Variants in BMP2K observed in about 807,000 individuals in gnomAD.
BMP2K encodes BMP-2-inducible protein kinase.
A neutral mutation model predicts 116.0 loss-of-function variants in BMP2K; 74 were observed. The observed-to-expected ratio is 0.64, with a 90% CI of 0.53 to 0.77. The LOEUF (loss-of-function observed/expected upper bound fraction) is 0.77. Ranked by LOEUF, BMP2K falls within the 30% of genes least tolerant of loss-of-function variation. BMP2K has a pLI of 0.00. For missense variants in BMP2K, 1,365 were observed against 1,403.6 expected, an observed-to-expected ratio of 0.97 and a Z score of 0.44; for synonymous variants, 486 against 502.5, an observed-to-expected ratio of 0.97 and a Z score of 0.44.
Position 78,916,134 on chromosome 4 carries a change from T to C in BMP2K, c.*4101T>C, listed in dbSNP as rs1735042900. On this transcript the variant is annotated 3_prime_UTR_variant, in exon 16 of 16. Transcript: ENST00000502613. ...ATATAGCTGGGAAACAATTATGAGA[T>C]AGACTCAGTCTCCCCCTCCCACCCC... 6.6e-6 allele frequency: 1 copy of C among 151,918 alleles called. No individual in the cohort carries two copies. Among genetic ancestry groups the C allele is most frequent in the African/African-American group, 2.4e-5 (1 of 41,420 alleles). The allele number at this position is 151,918 out of a possible 1,614,324, so 9.4% of individuals were successfully genotyped here. A position where few individuals can be genotyped will look rare whatever the true frequency, so the allele number is the denominator to read the frequency against.
At chr4:78,869,141 A>G (rs1732209661) in intron 10 of BMP2K, among the ~76,000 whole-genome samples, 1 of 152,170 alleles carries the variant, frequency 6.6e-6, no homozygotes, top group Non-Finnish European at 1.5e-5. Flanking sequence ...ATTTCCATGT[A>G]TCTTCCAAAA....
intron 1 of BMP2K, among the ~76,000 whole-genome samples, chr4:78,816,284 C>T (rs1189671939): frequency 6.6e-6 from 1 of 152,006 alleles, no homozygotes; most frequent in Non-Finnish European, 1.5e-5. Flanking sequence ...TCAGGTTGTC[C>T]CAGTGATAGT....
chr4:78,806,975 G>C (rs916874431), intron 1 of BMP2K, among the ~76,000 whole-genome samples: 8 of 151,408 alleles, frequency 5.3e-5, no homozygotes, highest in Non-Finnish European at 1.2e-4. Context: ...TCAGCTTCCC[G>C]AGTAGCTGGG....
chr4:78,776,522 C>G lies in BMP2K; in HGVS notation c.-22C>G. ...ACTTGCCCTTGCACGCTCCCTGCGCCCTCCAGCTCGCCGGCGGGACCATGA... is the reference window on the plus strand; with the variant it reads ...ACTTGCCCTTGCACGCTCCCTGCGCGCTCCAGCTCGCCGGCGGGACCATGA... On this transcript the variant is annotated 5_prime_UTR_variant, in exon 1 of 16. Coordinates refer to ENST00000502613, the MANE Select transcript of BMP2K (RefSeq NM_198892.2). The G allele has an allele frequency of 2.6e-6, 3 of 1,138,896 alleles. No individual in the cohort carries two copies. The highest frequency in any genetic ancestry group is 3.2e-6 in the Non-Finnish European group (3 of 925,314). The allele number at this position is 1,138,896 out of a possible 1,614,324, so 70.5% of individuals were successfully genotyped here.
At chr4:78,891,348 C>T (rs534601185) in intron 15 of BMP2K, among the ~76,000 whole-genome samples, 1 of 152,196 alleles carries the variant, frequency 6.6e-6, no homozygotes, top group African/African-American at 2.4e-5. Context: ...TTAACTTGTT[C>T]TGAATATTCA....
At position 78,776,457 on chromosome 4, in the gene BMP2K, G is replaced by T; in HGVS notation, c.-87G>T. ...AGCACGCTCGGACGGGCCAGGGGCGGCGACCCCTCGCGGACGCCCGGCTGC... is the reference window on the plus strand; with the variant it reads ...AGCACGCTCGGACGGGCCAGGGGCGTCGACCCCTCGCGGACGCCCGGCTGC... On this transcript the variant is annotated 5_prime_UTR_variant, in exon 1 of 16. Coordinates refer to ENST00000502613, the MANE Select transcript of BMP2K (RefSeq NM_198892.2). 9.2e-7 allele frequency: 1 copy of T among 1,089,876 alleles called. No individual in the cohort carries two copies. The highest frequency in any genetic ancestry group is 1.1e-6 in the Non-Finnish European group (1 of 896,278). 67.5% of individuals were successfully genotyped at this position (1,089,876 alleles called of 1,614,324 possible).
intron 15 of BMP2K, among the ~76,000 whole-genome samples, chr4:78,895,305 G>T (rs1290534581): frequency 6.6e-6 from 1 of 152,124 alleles, no homozygotes; most frequent in African/African-American, 2.4e-5. Flanking sequence ...ATTTTACACT[G>T]ATCTTTTTAA....
intron 1 of BMP2K, among the ~76,000 whole-genome samples, chr4:78,780,817 T>G (rs771126611): frequency 6.6e-6 from 1 of 152,154 alleles, no homozygotes; most frequent in Non-Finnish European, 1.5e-5. Flanking sequence ...CCAACAAAAA[T>G]CACCAAGTTA....
intron 9 of BMP2K, among the ~76,000 whole-genome samples, chr4:78,863,796 G>A (rs1731912200): frequency 6.6e-6 from 1 of 152,058 alleles, no homozygotes; most frequent in Non-Finnish European, 1.5e-5. Context: ...TAGAATGCCT[G>A]GTTTCTTTGT....
chr4:78,872,191 GATGTCTT>G (rs1238463672), intron 12 of BMP2K: 9 of 364,746 alleles, frequency 2.5e-5, no homozygotes, highest in Non-Finnish European at 3.4e-5. Flanking sequence ...TAAGGGAAAT[GATGTCTT>G]ACCTATAGTC....
intron 2 of BMP2K, among the ~76,000 whole-genome samples, chr4:78,827,742 C>G (rs1164904543): frequency 3.3e-5 from 5 of 152,088 alleles, no homozygotes; most frequent in African/African-American, 1.2e-4. Context: ...CACCACTGTT[C>G]AGTTCTGCCA....
At position 78,814,048 on chromosome 4, in the gene BMP2K, A is replaced by G. The variant is rs185805301; in HGVS notation, c.179-11989A>G. On this transcript the variant is annotated intron_variant, in intron 1 of 15. Transcript: ENST00000502613. Reference sequence around the variant, plus strand: ...AAGCAGATGCTCCAGCAATGTAAGAATGAGTCTAGGGGAGTGTGAAAAAGC... The same window carrying G: ...AAGCAGATGCTCCAGCAATGTAAGAGTGAGTCTAGGGGAGTGTGAAAAAGC... Among the ~76,000 whole-genome samples, 28 of 152,346 alleles carry G rather than the reference A, an allele frequency of 1.8e-4. No individual in the cohort carries two copies. The East Asian group carries it at 4.4e-3, about 24-fold the overall frequency.
At chr4:78,840,920 G>A (rs1730729027) in intron 3 of BMP2K, among the ~76,000 whole-genome samples, 1 of 152,094 alleles carries the variant, frequency 6.6e-6, no homozygotes, top group Non-Finnish European at 1.5e-5. Context: ...GGATGTGAAT[G>A]TACACCAAGA....
chr4:78,878,211 T>C (rs1037009085), intron 13 of BMP2K, among the ~76,000 whole-genome samples: 3 of 152,168 alleles, frequency 2.0e-5, no homozygotes, highest in African/African-American at 7.2e-5. Flanking sequence ...AGGGAATGCC[T>C]TTGTCAAAAG....
chr4:78,804,414 G>C (rs182977392), intron 1 of BMP2K, among the ~76,000 whole-genome samples: 2 of 151,934 alleles, frequency 1.3e-5, no homozygotes, highest in African/African-American at 2.4e-5. Flanking sequence ...AATTTTTTGC[G>C]TGGATATATA....
In BMP2K at chr4:78,913,611, T is replaced by C. The variant is rs904058866; in HGVS notation, c.*1578T>C. The C allele has an allele frequency of 5.9e-5, 9 of 152,212 alleles. No homozygotes were observed. The highest frequency in any genetic ancestry group is 2.2e-4 in the African/African-American group (9 of 41,478). 9.4% of individuals were successfully genotyped at this position (152,212 alleles called of 1,614,324 possible). A position where few individuals can be genotyped will look rare whatever the true frequency, so the allele number is the denominator to read the frequency against. On this transcript the variant is annotated 3_prime_UTR_variant, in exon 16 of 16. Transcript: ENST00000502613. ...CTCTCTTCGATCTCAAAGTATATTT[T>C]ACGAGTAATTTTATTAGGAATCTCT...
intron 1 of BMP2K, among the ~76,000 whole-genome samples, chr4:78,812,603 A>T (rs1378536426): frequency 2.6e-5 from 4 of 152,150 alleles, no homozygotes; most frequent in African/African-American, 9.7e-5. Context: ...CTTATTACCC[A>T]TTAAAGATTC....
chr4:78,878,662 G>A (rs1732750275), intron 13 of BMP2K, 72 bp from the exon 14 acceptor site: 1 of 1,200,090 alleles, frequency 8.3e-7, no homozygotes, highest in Non-Finnish European at 1.2e-6. Context: ...GTATAAAGTA[G>A]GGCATTGTAA....
intron 10 of BMP2K, 30 bp from the exon 11 acceptor site, chr4:78,870,753 G>A (rs772131634): frequency 6.3e-7 from 1 of 1,583,594 alleles, no homozygotes; most frequent in Non-Finnish European, 8.6e-7. Flanking sequence ...TCATTAGTAT[G>A]TTAATGTAAG....
Sources: allele counts gnomAD v4.1 joint callset (sites outside exome capture counted in the v4.1 genomes callset), GRCh38; gene constraint gnomAD v4.1.1; transcripts MANE v1.5; gene names NCBI Gene and HGNC (gene_info 2026-07-23, HGNC 2026-07-21).